The following RIMBP2 variants were observed in gnomAD, a reference collection of about 807,000 sequenced individuals.
The protein encoded by RIMBP2 is RIMS binding protein 2.
A neutral mutation model predicts 118.6 loss-of-function variants in RIMBP2; 48 were observed. That is an observed-to-expected ratio of 0.40 (90% CI 0.32 to 0.51). RIMBP2 has a LOEUF of 0.51. Ranked by LOEUF, RIMBP2 falls within the 20% of genes least tolerant of loss-of-function variation. RIMBP2 has a pLI of 0.41. For synonymous variants in RIMBP2, 762 were observed against 742.9 expected (o/e 1.03, Z -0.42); for missense variants, 1,551 against 1,768.3 (o/e 0.88, Z 2.20).
intron 2 of RIMBP2, among the ~76,000 whole-genome samples, chr12:130,612,694 C>A (rs377639668): frequency 1.3e-5 from 2 of 152,204 alleles, no homozygotes; most frequent in East Asian, 1.9e-4. Context: ...TTGTCAAACA[C>A]AGCTCTATGT....
In RIMBP2 at chr12:130,431,692, T is replaced by TA. The variant is rs1204170054; in HGVS notation, c.2253+3041dup. On this transcript the variant is annotated intron_variant, in intron 14 of 22. Coordinates refer to ENST00000690449, the MANE Select transcript of RIMBP2 (RefSeq NM_001393629.1). The surrounding 1 kb of genome is among the most constrained non-coding windows in gnomAD (Gnocchi z 4.0). ...ATAGAAACAGACCTGTTTGCTCTGT[T>TA]AAAAAACAAAACAAGCAGGAAAACG... The TA allele has an allele frequency of 6.5e-6, 1 of 154,418 alleles. No individual in the cohort carries two copies. Among genetic ancestry groups the TA allele is most frequent in the African/African-American group, 2.4e-5 (1 of 41,556 alleles). 9.6% of individuals were successfully genotyped at this position (154,418 alleles called of 1,614,324 possible).
At chr12:130,413,420 A>G (rs1382439816) in intron 18 of RIMBP2, among the ~76,000 whole-genome samples, 1 of 152,116 alleles carries the variant, frequency 6.6e-6, no homozygotes, top group Non-Finnish European at 1.5e-5. Flanking sequence ...ACTTAAGATC[A>G]GGAGTTTGGG....
In RIMBP2 at chr12:130,539,400, A is replaced by G. The variant is rs2054363390; in HGVS notation, c.-216-21483T>C. Among the ~76,000 whole-genome samples the G allele has an allele frequency of 2.6e-5, 4 of 152,354 alleles. No individual in the cohort carries two copies. The South Asian group carries it at 8.3e-4, about 32-fold the overall frequency. On this transcript the variant is annotated intron_variant, in intron 2 of 22. Coordinates refer to ENST00000690449, the MANE Select transcript of RIMBP2 (RefSeq NM_001393629.1). Reference sequence around the variant, plus strand: ...ATGTGATCAAAGAAGGTGATGTCTGAGCAAAGATGTGAAGGAAGTAAGAGT... The same window carrying G: ...ATGTGATCAAAGAAGGTGATGTCTGGGCAAAGATGTGAAGGAAGTAAGAGT...
In RIMBP2 at chr12:130,422,378, G is replaced by C. The variant is rs2076470086; in HGVS notation, c.3238+75C>G. ...CGGAAAATGCTACTCCTAAAGTTTTGTTCATGCTTAGATGGAGTAAGCAGC... is the reference window on the plus strand; with the variant it reads ...CGGAAAATGCTACTCCTAAAGTTTTCTTCATGCTTAGATGGAGTAAGCAGC... On this transcript the variant is annotated intron_variant, in intron 17 of 22. Transcript: ENST00000690449. The surrounding 1 kb of genome is among the most constrained non-coding windows in gnomAD (Gnocchi z 5.2). 1 of 1,013,884 alleles carries C rather than the reference G, an allele frequency of 9.9e-7. No individual in the cohort carries two copies. Among genetic ancestry groups the C allele is most frequent in the Non-Finnish European group, 1.5e-6 (1 of 677,346 alleles). The allele number at this position is 1,013,884 out of a possible 1,614,324, so 62.8% of individuals were successfully genotyped here. A position where few individuals can be genotyped will look rare whatever the true frequency, so the allele number is the denominator to read the frequency against.
chr12:130,539,615 A>G (rs113329519), intron 2 of RIMBP2, among the ~76,000 whole-genome samples: 129 of 145,466 alleles, frequency 8.9e-4, no homozygotes, highest in African/African-American at 3.1e-3. Flanking sequence ...GCAGTCGATG[A>G]GGTGGCCAGG....
In RIMBP2 at chr12:130,451,263, CCG is replaced by C; in HGVS notation, c.434_435del (p.Pro145ArgfsTer15). On this transcript the variant is annotated frameshift_variant, in exon 8 of 23. Coordinates refer to ENST00000690449, the MANE Select transcript of RIMBP2 (RefSeq NM_001393629.1). LOFTEE classifies it high-confidence loss of function. ...AAGGTGGGCTTGGCGGACAGAGGCT[CCG>C]GCCTGTCACCAGGCTGCGGAAGGGG... ...IRPLPQPGDR[P>X]EPLSAKPTFL... is the part of the protein sequence containing the mutation. 1 of 1,614,210 alleles carries C rather than the reference CCG, an allele frequency of 6.2e-7. No individual in the cohort carries two copies. Among genetic ancestry groups the C allele is most frequent in the Non-Finnish European group, 8.5e-7 (1 of 1,180,034 alleles).
chr12:130,442,154 T>G lies in RIMBP2; in HGVS notation c.1198A>C (p.Thr400Pro). The change falls in exon 11 of 23, where the codon ACG (threonine) becomes CCG (proline). Residue 400 changes from threonine (T) to proline (P), a missense_variant. Physicochemically the swap from Thr to Pro is conservative, Grantham distance 38. Around this residue, in one of 5 missense-constraint regions of RIMBP2, gnomAD observed 265 missense variants for 349.5 expected, o/e 0.76. Transcript: ENST00000690449. The surrounding 1 kb of genome is among the most constrained non-coding windows in gnomAD (Gnocchi z 6.9). The stretch of plus-strand genomic sequence containing the variant: ...ACCACGTCCTTGCCCACCAGCAGCG[T>G]GCACTGCAGCTCATCCGAGCTGCCC... Reference protein sequence around the residue: ...SRGSSDELQCTLLVGKDVVVA... With the variant: ...SRGSSDELQCPLLVGKDVVVA... The G allele has an allele frequency of 6.2e-7, 1 of 1,614,160 alleles. No individual in the cohort carries two copies. The highest frequency in any genetic ancestry group is 8.5e-7 in the Non-Finnish European group (1 of 1,180,026).
chr12:130,690,254 G>T (rs1347911779), intron 1 of RIMBP2, among the ~76,000 whole-genome samples: 4 of 152,152 alleles, frequency 2.6e-5, no homozygotes, highest in African/African-American at 9.7e-5. Context: ...ATGCCCTGGG[G>T]GTGGGGATCA....
intron 1 of RIMBP2, among the ~76,000 whole-genome samples, chr12:130,707,626 G>A (rs889746754): frequency 6.6e-6 from 1 of 152,288 alleles, no homozygotes; most frequent in East Asian, 1.9e-4. Context: ...GCTTCCAAGA[G>A]TGGGCGTGGA....
chr12:130,440,603 G>A (rs192958783), intron 11 of RIMBP2, among the ~76,000 whole-genome samples: 6 of 152,290 alleles, frequency 3.9e-5, no homozygotes, highest in East Asian at 1.9e-4. Flanking sequence ...GGTGTTTCTC[G>A]TTCTTCACCC....
rs73159145 is a variant in RIMBP2 at position 130,648,149 on chromosome 12, T to C, written c.-351-19693A>G. On this transcript the variant is annotated intron_variant, in intron 1 of 22. Coordinates refer to ENST00000690449, the MANE Select transcript of RIMBP2 (RefSeq NM_001393629.1). ...GAGTTCCTAAACTTTTACACATCTT[T>C]CTTTTCTAAATTTTCAACAGTAAAT... 3.0e-4 allele frequency among the ~76,000 whole-genome samples: 44 copies of C among 145,126 alleles called. 6 individuals carry two copies. Among genetic ancestry groups the C allele is most frequent in the Admixed American group, 7.6e-4 (11 of 14,512 alleles).
chr12:130,480,625 G>A (rs2081906916), intron 4 of RIMBP2, among the ~76,000 whole-genome samples: 2 of 152,026 alleles, frequency 1.3e-5, no homozygotes, highest in African/African-American at 4.8e-5. Context: ...TTTTGAGATG[G>A]AGTCTTGCTC....
chr12:130,587,206 T>C (rs113304096), intron 2 of RIMBP2, among the ~76,000 whole-genome samples: 2,886 of 148,286 alleles, frequency 0.019, 48 homozygotes, highest in African/African-American at 0.068. Flanking sequence ...TGTGGAGAAA[T>C]AGGAACACTT....
intron 1 of RIMBP2, among the ~76,000 whole-genome samples, chr12:130,674,326 C>T (rs1411102419): frequency 6.6e-6 from 1 of 152,186 alleles, no homozygotes; most frequent in African/African-American, 2.4e-5. Context: ...GAACCATGAG[C>T]CAATTACGCC....
intron 7 of RIMBP2, among the ~76,000 whole-genome samples, chr12:130,453,800 T>A (rs1000865234): frequency 6.6e-6 from 1 of 152,194 alleles, no homozygotes; most frequent in East Asian, 1.9e-4. Context: ...ACACCTGTAA[T>A]CCCAGCACTT....
intron 21 of RIMBP2, among the ~76,000 whole-genome samples, chr12:130,405,048 A>G (rs1018038785): frequency 2.0e-5 from 3 of 152,216 alleles, no homozygotes; most frequent in Admixed American, 6.5e-5. Flanking sequence ...TGAGATTTAC[A>G]TGTGGAAAGT....
intron 2 of RIMBP2, among the ~76,000 whole-genome samples, chr12:130,539,134 C>A (rs1183531390): frequency 2.0e-5 from 3 of 152,052 alleles, no homozygotes; most frequent in Non-Finnish European, 4.4e-5. Context: ...TCCAAAAATC[C>A]CTATCATCAG....
chr12:130,480,434 G>T (rs377506704), intron 4 of RIMBP2, among the ~76,000 whole-genome samples: 7 of 152,306 alleles, frequency 4.6e-5, no homozygotes, highest in Non-Finnish European at 1.0e-4. Context: ...CCTGACATCC[G>T]AGGGCCACAC....
In RIMBP2 at chr12:130,670,120, C is replaced by T. The variant is rs1255565888; in HGVS notation, c.-351-41664G>A. On this transcript the variant is annotated intron_variant, in intron 1 of 22. Coordinates refer to ENST00000690449, the MANE Select transcript of RIMBP2 (RefSeq NM_001393629.1). The surrounding 1 kb of genome is among the most constrained non-coding windows in gnomAD (Gnocchi z 4.9). Reference sequence around the variant, plus strand: ...AGAAGAGGAGAGGGTAATGTGACCCCGGGGGCAGACACTGGAGTGATGCTG... The same window carrying T: ...AGAAGAGGAGAGGGTAATGTGACCCTGGGGGCAGACACTGGAGTGATGCTG... Among the ~76,000 whole-genome samples the T allele has an allele frequency of 6.6e-6, 1 of 151,956 alleles. No individual in the cohort carries two copies. The highest frequency in any genetic ancestry group is 6.6e-5 in the Admixed American group (1 of 15,242).
Sources: allele counts gnomAD v4.1 joint callset (sites outside exome capture counted in the v4.1 genomes callset), GRCh38; gene constraint gnomAD v4.1.1; regional missense constraint gnomAD v4.1.1; non-coding constraint Gnocchi (gnomAD v3.1); transcripts MANE v1.5; gene names NCBI Gene and HGNC (gene_info 2026-07-23, HGNC 2026-07-21).